NECTIN4: variants seen among roughly 807,000 people sequenced by gnomAD.
NECTIN4 encodes the protein nectin cell adhesion molecule 4.
A neutral mutation model predicts 51.7 loss-of-function variants in NECTIN4; 19 were observed. The observed-to-expected ratio is 0.37, with a 90% CI of 0.26 to 0.54. NECTIN4 has a LOEUF of 0.54. Ranked by LOEUF, NECTIN4 falls within the 20% of genes least tolerant of loss-of-function variation. The pLI, the probability that NECTIN4 is intolerant of heterozygous loss-of-function variation, is 0.86. For missense variants in NECTIN4, 619 were observed against 662.4 expected (o/e 0.93, Z 0.72); for synonymous variants, 283 against 286.9 (o/e 0.99, Z 0.14).
intron 4 of NECTIN4, 84 bp downstream of exon 4, chr1:161,076,271 T>G (rs575014349): frequency 1.3e-6 from 2 of 1,498,988 alleles, no homozygotes; most frequent in African/African-American, 2.8e-5. Context: ...GAATATGTTG[T>G]CCCATTCCAT....
intron 8 of NECTIN4, 148 bp from the exon 9 acceptor site, chr1:161,073,033 C>A: frequency 1.1e-6 from 1 of 937,704 alleles, no homozygotes. Flanking sequence ...AGATCGGGGA[C>A]CAGGAACAAG....
chr1:161,086,664 C>A (rs1317561188), intron 1 of NECTIN4, among the ~76,000 whole-genome samples: 1 of 152,090 alleles, frequency 6.6e-6, no homozygotes, highest in Non-Finnish European at 1.5e-5. Context: ...AGGGAGGAGA[C>A]TTCACCCGGA....
intron 1 of NECTIN4, among the ~76,000 whole-genome samples, chr1:161,088,988 A>G (rs567740545): frequency 3.9e-5 from 6 of 152,056 alleles, no homozygotes; most frequent in Admixed American, 3.3e-4. Flanking sequence ...GGGATCCCAG[A>G]CATAGTGACC....
chr1:161,079,645 C>CCGGCACT lies in NECTIN4; in HGVS notation c.377_383dup (p.Ser130ProfsTer47). ...AGCTGCCGGCGGGGAAGGTGCTGAC[C>CCGGCACT]CGGCACTCGTACTCGCCCTCATCCG... On this transcript the variant is annotated frameshift_variant, in exon 2 of 9. Coordinates refer to ENST00000368012, the MANE Select transcript of NECTIN4 (RefSeq NM_030916.3). LOFTEE classifies it high-confidence loss of function. 1 of 1,605,580 alleles carries CCGGCACT rather than the reference C, an allele frequency of 6.2e-7. No homozygotes were observed. Among genetic ancestry groups the CCGGCACT allele is most frequent in the Non-Finnish European group, 8.5e-7 (1 of 1,179,706 alleles).
chr1:161,078,573 GC>G (rs1293457349), intron 2 of NECTIN4, among the ~76,000 whole-genome samples: 1 of 151,906 alleles, frequency 6.6e-6, no homozygotes, highest in Non-Finnish European at 1.5e-5. Flanking sequence ...CTCCCAAAGT[GC>G]TGGGATTACA....
intron 8 of NECTIN4, 143 bp downstream of exon 8, chr1:161,073,082 G>A (rs984335996): frequency 4.1e-5 from 35 of 855,506 alleles, no homozygotes; most frequent in Non-Finnish European, 4.6e-5. Flanking sequence ...GAACAAAGAC[G>A]TAGCAGAGAT....
intron 1 of NECTIN4, among the ~76,000 whole-genome samples, chr1:161,086,271 C>A (rs922843551): frequency 1.3e-5 from 2 of 152,162 alleles, no homozygotes; most frequent in Admixed American, 6.5e-5. Flanking sequence ...CTAGGCTCTC[C>A]TTGGCCCGGC....
intron 1 of NECTIN4, among the ~76,000 whole-genome samples, chr1:161,081,822 C>T (rs928815271): frequency 6.8e-6 from 1 of 147,260 alleles, no homozygotes; most frequent in African/African-American, 2.5e-5. Context: ...CCACCCCAGG[C>T]AGCATTAGGT....
At chr1:161,074,523 C>G in intron 5 of NECTIN4, 88 bp downstream of exon 5, 11 of 1,584,702 alleles carry the variant, frequency 6.9e-6, no homozygotes, top group Middle Eastern at 1.7e-4. Context: ...AAACACTTTC[C>G]CAATTCACTG....
At chr1:161,074,894 C>G in intron 4 of NECTIN4, 135 bp from the exon 5 acceptor site, 1 of 938,664 alleles carries the variant, frequency 1.1e-6, no homozygotes, top group Non-Finnish European at 1.6e-6. Context: ...CGGTGCCCCT[C>G]CCTCCACCAG....
intron 2 of NECTIN4, 43 bp downstream of exon 2, chr1:161,079,547 G>C: frequency 1.3e-6 from 2 of 1,598,060 alleles, no homozygotes; most frequent in Non-Finnish European, 1.7e-6. Context: ...GCTTCCCCCT[G>C]CATCCACAGC....
chr1:161,074,312 A>T lies in NECTIN4; in HGVS notation c.1062T>A (p.Gly354=). The change falls in exon 6 of 9, where the codon GGT becomes GGA. Residue 354 remains glycine, a synonymous_variant. Transcript: ENST00000368012. The part of the protein sequence containing the change: ...DLVSASVVVV[G]VIAALLFCLL... ...GGCAGAACAAGAGTGCGGCGATCAC[A>T]CCCACCACCACCACCGAGGCTGACA... 1 of 1,612,708 alleles carries T rather than the reference A, an allele frequency of 6.2e-7. No homozygotes were observed. Among genetic ancestry groups the T allele is most frequent in the Non-Finnish European group, 8.5e-7 (1 of 1,179,598 alleles).
At chr1:161,078,383 C>T (rs1168028659) in intron 2 of NECTIN4, among the ~76,000 whole-genome samples, 3 of 152,144 alleles carry the variant, frequency 2.0e-5, no homozygotes, top group Admixed American at 2.0e-4. Context: ...TCTCGGCTCA[C>T]TGCAATCTCC....
chr1:161,072,704 G>T lies in NECTIN4; in HGVS notation c.1490C>A (p.Thr497Lys). 1.2e-6 allele frequency: 2 copies of T among 1,614,218 alleles called. No homozygotes were observed. Among genetic ancestry groups the T allele is most frequent in the Non-Finnish European group, 1.7e-6 (2 of 1,180,024 alleles). ...CCCATTGATGTAGATGCCATTGCCC[G>T]TGGGCTTGGCCCGTAGGGTCCCATT... ...QENGTLRAKPTGNGIYINGRG... is the reference protein window; with the variant it reads ...QENGTLRAKPKGNGIYINGRG... Residue 497 changes from threonine to lysine, a missense_variant, in exon 9 of 9, where the codon ACG (threonine) becomes AAG (lysine). Coordinates refer to ENST00000368012, the MANE Select transcript of NECTIN4 (RefSeq NM_030916.3).
At chr1:161,082,222 G>A (rs1032454060) in intron 1 of NECTIN4, among the ~76,000 whole-genome samples, 12 of 152,052 alleles carry the variant, frequency 7.9e-5, no homozygotes, top group South Asian at 2.1e-4. Flanking sequence ...CCAGCTACTC[G>A]GGAGGCTGAG....
rs1208845494 is a variant in NECTIN4 at position 161,071,667 on chromosome 1, C to A, written c.*994G>T. The A allele has an allele frequency of 6.6e-6, 1 of 151,986 alleles. No homozygotes were observed. The highest frequency in any genetic ancestry group is 1.5e-5 in the Non-Finnish European group (1 of 68,000). The allele number at this position is 151,986 out of a possible 1,614,324, so 9.4% of individuals were successfully genotyped here. ...CACTTTAAGCAATCCCAGTAGTAAA[C>A]ATTGGATAAATCTAAAGGCTTTCTT... is the stretch of plus-strand genomic sequence containing the variant. On this transcript the variant is annotated 3_prime_UTR_variant, in exon 9 of 9. Transcript: ENST00000368012.
At chr1:161,075,068 C>G (rs1377118975) in intron 4 of NECTIN4, among the ~76,000 whole-genome samples, 1 of 152,212 alleles carries the variant, frequency 6.6e-6, no homozygotes, top group Non-Finnish European at 1.5e-5. Flanking sequence ...GTCCACACAA[C>G]AGGACACTCC....
Position 161,077,517 on chromosome 1 carries a change from A to G in NECTIN4, c.666T>C (p.Thr222=), listed in dbSNP as rs377765937. 261 of 1,614,036 alleles carry G rather than the reference A, an allele frequency of 1.6e-4. 1 individual carries two copies. The highest frequency in any genetic ancestry group is 2.2e-4 in the Non-Finnish European group (258 of 1,180,040). ...GCAGGCCAGGATGGGACACCACACA[A>G]GTCAGTGGCTGCCCATTCATGCTGC... ...PSRSMNGQPL[T]CVVSHPGLLQ... is the part of the protein sequence containing the mutation. The change falls in exon 3 of 9, where the codon ACT becomes ACC. Residue 222 remains threonine (T), a synonymous_variant. Coordinates refer to ENST00000368012, the MANE Select transcript of NECTIN4 (RefSeq NM_030916.3).
chr1:161,075,671 C>T (rs958411511), intron 4 of NECTIN4, among the ~76,000 whole-genome samples: 15 of 152,150 alleles, frequency 9.9e-5, no homozygotes, highest in African/African-American at 3.4e-4. Flanking sequence ...ACTTGGGAGG[C>T]TGAGGCAGGA....
Sources: gnomAD v4.1 joint callset for allele counts (sites outside exome capture counted in the v4.1 genomes callset) on GRCh38, gnomAD v4.1.1 for gene constraint, MANE v1.5 for transcripts, NCBI Gene and HGNC (gene_info 2026-07-23, HGNC 2026-07-21) for gene names.